GPR158: variants seen among roughly 807,000 people sequenced by gnomAD.
GPR158 encodes the protein G protein-coupled receptor 158, also known as metabotropic glycine receptor.
Under a neutral mutation model 78.2 loss-of-function variants are expected in GPR158, and 30 were observed. That is an observed-to-expected ratio of 0.38 (90% CI 0.29 to 0.52). GPR158 has a LOEUF of 0.52. Ranked by LOEUF, GPR158 falls within the 20% of genes least tolerant of loss-of-function variation. The probability of loss-of-function intolerance (pLI) is 0.83; values close to 1 mark genes in which losing one functional copy is unlikely to be tolerated. For synonymous variants in GPR158, 581 were observed against 591.1 expected (o/e 0.98, Z 0.25); for missense variants, 1,463 against 1,523.5 (o/e 0.96, Z 0.66).
At chr10:25,214,903 C>A (rs1458129530) in intron 1 of GPR158, among the ~76,000 whole-genome samples, 2 of 152,112 alleles carry the variant, frequency 1.3e-5, no homozygotes, top group Non-Finnish European at 2.9e-5. Flanking sequence ...AATAAAAGTT[C>A]TGTTGTTTAA....
At chr10:25,528,362 A>G (rs16926036) in intron 5 of GPR158, among the ~76,000 whole-genome samples, 3,842 of 152,112 alleles carry the variant, frequency 0.025, 181 homozygotes, top group African/African-American at 0.086. Flanking sequence ...TCCAAGCATT[A>G]GATGGGAAGC....
rs754374604 is a variant in GPR158, at chr10:25,175,378, A to AT, written c.-41dup. The stretch of plus-strand genomic sequence containing the variant: ...ACTGACGATCCAAATTTAAAAAGTG[A>AT]TTCCCCCCCCTCCCGTTCCCTCCTC... On this transcript the variant is annotated 5_prime_UTR_variant, in exon 1 of 11. Coordinates refer to ENST00000376351, the MANE Select transcript of GPR158 (RefSeq NM_020752.3). This position sits in a 1 kb window ranked among gnomAD's most constrained non-coding sequence, Gnocchi z 6.4. The AT allele has an allele frequency of 1.1e-5, 13 of 1,232,418 alleles. No homozygotes were observed. Among genetic ancestry groups the AT allele is most frequent in the South Asian group, 2.9e-5 (2 of 68,828 alleles). The allele number at this position is 1,232,418 out of a possible 1,614,324, so 76.3% of individuals were successfully genotyped here.
chr10:25,441,356 T>G (rs1292340721), intron 4 of GPR158, among the ~76,000 whole-genome samples: 1 of 152,200 alleles, frequency 6.6e-6, no homozygotes, highest in Non-Finnish European at 1.5e-5. Context: ...TTTTCCTGGC[T>G]CTTGTCTTTT....
chr10:25,313,363 C>T (rs1378810173), intron 2 of GPR158, among the ~76,000 whole-genome samples: 1 of 151,344 alleles, frequency 6.6e-6, no homozygotes, highest in Non-Finnish European at 1.5e-5. Flanking sequence ...CAAACCTGCA[C>T]GTTTTGCACA....
At chr10:25,431,812 G>A (rs1834912060) in intron 4 of GPR158, among the ~76,000 whole-genome samples, 1 of 152,108 alleles carries the variant, frequency 6.6e-6, no homozygotes, top group African/African-American at 2.4e-5. Context: ...TGAATGATGA[G>A]AACACATGGA....
chr10:25,538,490 T>C (rs571752673), intron 5 of GPR158, among the ~76,000 whole-genome samples: 1 of 152,260 alleles, frequency 6.6e-6, no homozygotes, highest in Non-Finnish European at 1.5e-5. Context: ...TGTTTTGTTG[T>C]TGTTGTTAAG....
intron 2 of GPR158, among the ~76,000 whole-genome samples, chr10:25,295,507 G>T (rs952893971): frequency 6.6e-6 from 1 of 151,888 alleles, no homozygotes; most frequent in African/African-American, 2.4e-5. Context: ...TCCACCTCCC[G>T]GGTTCACGCC....
At chr10:25,460,732 A>T (rs1463998916) in intron 4 of GPR158, among the ~76,000 whole-genome samples, 1 of 152,130 alleles carries the variant, frequency 6.6e-6, no homozygotes, top group Non-Finnish European at 1.5e-5. Flanking sequence ...ACACAGACAT[A>T]CCTTGTTTTA....
At chr10:25,231,370 T>C (rs1853445995) in intron 2 of GPR158, among the ~76,000 whole-genome samples, 1 of 152,212 alleles carries the variant, frequency 6.6e-6, no homozygotes, top group African/African-American at 2.4e-5. Flanking sequence ...AAAAATAATC[T>C]AATTTGCCTC....
At chr10:25,240,545 C>T (rs567291793) in intron 2 of GPR158, among the ~76,000 whole-genome samples, 109 of 152,108 alleles carry the variant, frequency 7.2e-4, no homozygotes, top group African/African-American at 2.4e-3. Flanking sequence ...TCAGGATGCA[C>T]GCCTTTAAGA....
At chr10:25,370,101 A>G (rs1833963325) in intron 2 of GPR158, among the ~76,000 whole-genome samples, 2 of 141,770 alleles carry the variant, frequency 1.4e-5, no homozygotes, top group South Asian at 4.8e-4. Context: ...AATTTTGTTG[A>G]TCTTTTCAAA....
chr10:25,204,748 C>A (rs1270468816), intron 1 of GPR158, among the ~76,000 whole-genome samples: 1 of 149,626 alleles, frequency 6.7e-6, no homozygotes, highest in Non-Finnish European at 1.5e-5. Flanking sequence ...GCTTTGGTAT[C>A]AGAATCCATT....
intron 2 of GPR158, among the ~76,000 whole-genome samples, chr10:25,301,226 T>C (rs560730980): frequency 6.6e-6 from 1 of 152,294 alleles, no homozygotes; most frequent in South Asian, 2.1e-4. Flanking sequence ...CTGTAAGGTT[T>C]TTCAACGAAT....
At chr10:25,499,764 A>G (rs889783710) in intron 5 of GPR158, among the ~76,000 whole-genome samples, 2 of 152,224 alleles carry the variant, frequency 1.3e-5, no homozygotes, top group Non-Finnish European at 2.9e-5. Context: ...CCACAACAAC[A>G]GCACTCCAGG....
intron 5 of GPR158, among the ~76,000 whole-genome samples, chr10:25,476,991 G>A (rs943065334): frequency 4.6e-5 from 7 of 152,054 alleles, no homozygotes; most frequent in African/African-American, 1.7e-4. Flanking sequence ...CTATAAAAAA[G>A]GCAATTTTAT....
At position 25,395,948 on chromosome 10, in the gene GPR158, C is replaced by T; in HGVS notation, c.1046C>T (p.Ala349Val). Reference protein sequence around the residue: ...PIKGLGFVLGAYECICKAGFY... With the variant: ...PIKGLGFVLGVYECICKAGFY... ...AAAGGCCTAGGATTCGTTCTTGGAG[C>T]CTATGAGTGCATTTGCAAAGCAGGA... is the stretch of plus-strand genomic sequence containing the variant. The change falls in exon 3 of 11, where the codon GCC becomes GTC. Residue 349 changes from alanine to valine, a missense_variant. By Grantham distance (64) the Ala-to-Val change is moderately conservative. Transcript: ENST00000376351. The T allele has an allele frequency of 6.2e-7, 1 of 1,607,938 alleles. No individual in the cohort carries two copies. The highest frequency in any genetic ancestry group is 8.5e-7 in the Non-Finnish European group (1 of 1,174,564).
At chr10:25,243,592 G>A (rs1448261392) in intron 2 of GPR158, among the ~76,000 whole-genome samples, 1 of 152,140 alleles carries the variant, frequency 6.6e-6, no homozygotes, top group Non-Finnish European at 1.5e-5. Context: ...GGAAAGACAT[G>A]TTTTTATCCC....
chr10:25,564,966 C>T (rs1442405530), intron 6 of GPR158, among the ~76,000 whole-genome samples: 2 of 152,100 alleles, frequency 1.3e-5, no homozygotes, highest in Non-Finnish European at 2.9e-5. Context: ...TTATAATGAA[C>T]ATGAAAACAG....
intron 1 of GPR158, among the ~76,000 whole-genome samples, chr10:25,203,677 G>A (rs1852968777): frequency 6.9e-6 from 1 of 145,412 alleles, no homozygotes; most frequent in Non-Finnish European, 1.5e-5. Flanking sequence ...ATAGTTTGAA[G>A]TCAGGTAGTG....
Sources: allele counts gnomAD v4.1 joint callset (sites outside exome capture counted in the v4.1 genomes callset), GRCh38; gene constraint gnomAD v4.1.1; non-coding constraint Gnocchi (gnomAD v3.1); transcripts MANE v1.5; gene names NCBI Gene and HGNC (gene_info 2026-07-23, HGNC 2026-07-21).